CCL18: variants seen among roughly 807,000 people sequenced by gnomAD.
CCL18 encodes C-C motif chemokine ligand 18, also known as C-C motif chemokine 18.
In CCL18, 7 loss-of-function variants were observed where a neutral mutation model predicts 8.0. The ratio of observed to expected loss-of-function variants is 0.87; its 90% CI spans 0.50 to 1.64. The LOEUF (loss-of-function observed/expected upper bound fraction) is 1.64, where lower values mean the gene tolerates loss of function less well. CCL18 is among the 40% of genes most tolerant of loss of function. The pLI, the probability that CCL18 is intolerant of heterozygous loss-of-function variation, is 0.00. For synonymous variants in CCL18, 35 were observed against 41.3 expected (o/e 0.85, Z 0.59); for missense variants, 95 against 107.8 (o/e 0.88, Z 0.52).
chr17:36,065,963 T>C (rs550829274), intron 1 of CCL18, among the ~76,000 whole-genome samples: 56 of 152,288 alleles, frequency 3.7e-4, no homozygotes, highest in Middle Eastern at 3.4e-3. Flanking sequence ...GGAGTAGAGC[T>C]TCTCAGGAGA....
At chr17:36,069,647 C>T (rs1159456337) in intron 1 of CCL18, among the ~76,000 whole-genome samples, 1 of 152,134 alleles carries the variant, frequency 6.6e-6, no homozygotes, top group Admixed American at 6.5e-5. Context: ...TCTAATACCC[C>T]AAGGCTGCCT....
At chr17:36,069,626 A>G (rs549414781) in intron 1 of CCL18, among the ~76,000 whole-genome samples, 1 of 152,292 alleles carries the variant, frequency 6.6e-6, no homozygotes, top group African/African-American at 2.4e-5. Context: ...AGTCTCCCCA[A>G]GTTTATATCT....
At position 36,071,191 on chromosome 17, in the gene CCL18, T is replaced by C; in HGVS notation, c.*150T>C. ...CAGCCACATTAACTAACTTTAATCT[T>C]AGTTTATGCATCATATTTCATTTTG... On this transcript the variant is annotated 3_prime_UTR_variant, in exon 3 of 3. Transcript: ENST00000616054. The C allele has an allele frequency of 1.7e-6, 1 of 586,200 alleles. No homozygotes were observed. The highest frequency in any genetic ancestry group is 3.1e-6 in the Non-Finnish European group (1 of 322,236). 36.3% of individuals were successfully genotyped at this position (586,200 alleles called of 1,614,324 possible).
chr17:36,066,218 T>C (rs2066836230), intron 1 of CCL18, among the ~76,000 whole-genome samples: 1 of 152,224 alleles, frequency 6.6e-6, no homozygotes, highest in South Asian at 2.1e-4. Flanking sequence ...GTGATATGGC[T>C]TAAATGTCTG....
chr17:36,069,220 T>C (rs930235738), intron 1 of CCL18, among the ~76,000 whole-genome samples: 1 of 152,152 alleles, frequency 6.6e-6, no homozygotes, highest in Non-Finnish European at 1.5e-5. Flanking sequence ...TTCTGCTCAA[T>C]GGGAGAAAGG....
At chr17:36,070,192 A>C (rs1165940849) in intron 1 of CCL18, among the ~76,000 whole-genome samples, 2 of 152,322 alleles carry the variant, frequency 1.3e-5, no homozygotes, top group Middle Eastern at 3.4e-3. Flanking sequence ...CAGAAAACTA[A>C]ATTTCCAGTA....
chr17:36,070,858 G>A (rs981597197), intron 2 of CCL18, 93 bp from the exon 3 acceptor site: 7 of 951,572 alleles, frequency 7.4e-6, no homozygotes, highest in Non-Finnish European at 6.9e-6. Flanking sequence ...ACGAGGACAG[G>A]CCCTGAGATG....
chr17:36,069,779 G>C (rs2066856187), intron 1 of CCL18, among the ~76,000 whole-genome samples: 2 of 152,142 alleles, frequency 1.3e-5, no homozygotes, highest in Admixed American at 1.3e-4. Flanking sequence ...CCCTGCAGTT[G>C]CCCTTGCTGT....
At chr17:36,070,610 G>T in intron 2 of CCL18, 52 bp downstream of exon 2, 1 of 1,140,296 alleles carries the variant, frequency 8.8e-7, no homozygotes, top group African/African-American at 1.5e-5. Context: ...GGGAGGTTTG[G>T]GGTGAGGTCC....
At chr17:36,070,917 C>A (rs72831792) in intron 2 of CCL18, 34 bp from the exon 3 acceptor site, 15,854 of 1,462,134 alleles carry the variant, frequency 0.011, 203 homozygotes, top group East Asian at 0.072. Flanking sequence ...CTGATGAATT[C>A]GTCAGTTCTT....
intron 1 of CCL18, among the ~76,000 whole-genome samples, chr17:36,064,614 C>G (rs1278289463): frequency 1.3e-5 from 2 of 152,154 alleles, no homozygotes; most frequent in African/African-American, 4.8e-5. Context: ...TTTTATCCTA[C>G]TGAGATAAAT....
rs186648963 is a variant in CCL18 at position 36,065,150 on chromosome 17, T to G, written c.67+741T>G. On this transcript the variant is annotated intron_variant, in intron 1 of 2. Transcript: ENST00000616054. Reference sequence around the variant, plus strand: ...CGGTTGCCTATTATAAAACCAGTGGTGAGCGGTCTTAAAATTAAAATCCTA... The same window carrying G: ...CGGTTGCCTATTATAAAACCAGTGGGGAGCGGTCTTAAAATTAAAATCCTA... 1.2e-3 allele frequency among the ~76,000 whole-genome samples: 190 copies of G among 152,330 alleles called. 1 individual carries two copies. The highest frequency in any genetic ancestry group is 4.2e-3 in the African/African-American group (176 of 41,564).
chr17:36,069,431 G>A (rs2066854018), intron 1 of CCL18, among the ~76,000 whole-genome samples: 2 of 152,166 alleles, frequency 1.3e-5, no homozygotes, highest in Admixed American at 1.3e-4. Flanking sequence ...CCAGTATCAT[G>A]ATTAAAAAAT....
In CCL18 at chr17:36,071,311, A is replaced by T; in HGVS notation, c.*270A>T. 1 of 429,536 alleles carries T rather than the reference A, an allele frequency of 2.3e-6. No homozygotes were observed. Among genetic ancestry groups the T allele is most frequent in the South Asian group, 3.8e-5 (1 of 26,410 alleles). The allele number at this position is 429,536 out of a possible 1,614,324, so 26.6% of individuals were successfully genotyped here. On this transcript the variant is annotated 3_prime_UTR_variant, in exon 3 of 3. Coordinates refer to ENST00000616054, the MANE Select transcript of CCL18 (RefSeq NM_002988.4). ...TATCATCCTTTCCCCTTTCCCTTCA[A>T]CTCTTCGTACATTCAATGCATGGAT...
chr17:36,070,952 C>T lies in CCL18; in HGVS notation c.181C>T (p.Leu61Phe). Residue 61 changes from leucine (L) to phenylalanine (F), a missense_variant and splice_region_variant, in exon 3 of 3, where the codon CTC becomes TTC. Transcript: ENST00000616054. ...SPQCPKPGVILLTKRGRQICA... is the reference protein window; with the variant it reads ...SPQCPKPGVIFLTKRGRQICA... ...TAACTCTTCCTCCCTTCTCCACAGC[C>T]TCCTAACCAAGAGAGGCCGGCAGAT... 6.2e-7 allele frequency: 1 copy of T among 1,611,658 alleles called. No homozygotes were observed. The highest frequency in any genetic ancestry group is 1.1e-5 in the South Asian group (1 of 91,030).
At chr17:36,070,791 T>G (rs1203063800) in intron 2 of CCL18, among the ~76,000 whole-genome samples, 160 bp from the exon 3 acceptor site, 4 of 152,138 alleles carry the variant, frequency 2.6e-5, no homozygotes, top group Non-Finnish European at 5.9e-5. Flanking sequence ...AGGAACCCCA[T>G]CTGAGACATT....
intron 1 of CCL18, 85 bp downstream of exon 1, chr17:36,064,494 G>A (rs1417485068): frequency 8.7e-6 from 9 of 1,031,346 alleles, no homozygotes; most frequent in Middle Eastern, 2.0e-4. Context: ...GAAAACCCTC[G>A]TGTGAAATTA....
chr17:36,070,331 C>G (rs1193991259), intron 1 of CCL18, 116 bp from the exon 2 acceptor site: 1 of 625,684 alleles, frequency 1.6e-6, no homozygotes, highest in African/African-American at 1.8e-5. Context: ...TCCCTATATC[C>G]CCACCCCAAG....
intron 2 of CCL18, 33 bp from the exon 3 acceptor site, chr17:36,070,918 G>T: frequency 1.3e-6 from 2 of 1,488,008 alleles, no homozygotes; most frequent in Non-Finnish European, 1.9e-6. Context: ...TGATGAATTC[G>T]TCAGTTCTTA....
Sources: allele counts gnomAD v4.1 joint callset (sites outside exome capture counted in the v4.1 genomes callset), GRCh38; gene constraint gnomAD v4.1.1; transcripts MANE v1.5; gene names NCBI Gene and HGNC (gene_info 2026-07-23, HGNC 2026-07-21).